The following SIPA1L1 variants were observed in gnomAD, a reference collection of about 807,000 sequenced individuals.
SIPA1L1 encodes signal-induced proliferation-associated 1-like protein 1.
Under a neutral mutation model 162.7 loss-of-function variants are expected in SIPA1L1, and 26 were observed. The observed-to-expected ratio is 0.16, with a 90% CI of 0.12 to 0.22. SIPA1L1 has a LOEUF of 0.22. Among genes scored for constraint, SIPA1L1 ranks in the 10% least tolerant of loss-of-function variants. SIPA1L1 has a pLI of 1.00. For synonymous variants in SIPA1L1, 829 were observed against 837.4 expected, an observed-to-expected ratio of 0.99 and a Z score of 0.17; for missense variants, 1,874 against 2,241.0, an observed-to-expected ratio of 0.84 and a Z score of 3.31.
intron 2 of SIPA1L1, among the ~76,000 whole-genome samples, chr14:71,422,719 A>G (rs2043279295): frequency 6.6e-6 from 1 of 152,228 alleles, no homozygotes; most frequent in South Asian, 2.1e-4. Flanking sequence ...TTGCTTATCC[A>G]TTCATCCATC....
chr14:71,690,887 T>G, intron 13 of SIPA1L1, among the ~76,000 whole-genome samples: 1 of 152,228 alleles, frequency 6.6e-6, no homozygotes. Flanking sequence ...CTACTGAACA[T>G]ATGCACTTGA....
chr14:71,423,865 G>A (rs2043367479), intron 2 of SIPA1L1, among the ~76,000 whole-genome samples: 1 of 151,938 alleles, frequency 6.6e-6, no homozygotes, highest in African/African-American at 2.4e-5. Context: ...ATTTTGATAG[G>A]GATTGTATTA....
At chr14:71,596,190 C>T (rs888139394) in intron 5 of SIPA1L1, among the ~76,000 whole-genome samples, 1 of 152,060 alleles carries the variant, frequency 6.6e-6, no homozygotes, top group East Asian at 1.9e-4. Flanking sequence ...AGCCTCAGAC[C>T]GTGATGCAGG....
chr14:71,663,845 G>A (rs1237451573), intron 10 of SIPA1L1, among the ~76,000 whole-genome samples: 2 of 152,202 alleles, frequency 1.3e-5, no homozygotes, highest in Non-Finnish European at 2.9e-5. Flanking sequence ...CTTGTTTGAA[G>A]GCCCAACACA....
chr14:71,527,227 A>C (rs1260560853), intron 3 of SIPA1L1, among the ~76,000 whole-genome samples: 2 of 152,138 alleles, frequency 1.3e-5, no homozygotes, highest in Non-Finnish European at 2.9e-5. Context: ...AGCTCACTGA[A>C]GCCTCGAACT....
intron 5 of SIPA1L1, among the ~76,000 whole-genome samples, chr14:71,614,348 G>A (rs2038580877): frequency 6.6e-6 from 1 of 152,052 alleles, no homozygotes; most frequent in Non-Finnish European, 1.5e-5. Flanking sequence ...ATGTTCATAT[G>A]GAAAGAGTTT....
At chr14:71,403,509 A>G (rs2041823244) in intron 2 of SIPA1L1, among the ~76,000 whole-genome samples, 1 of 148,948 alleles carries the variant, frequency 6.7e-6, no homozygotes, top group Non-Finnish European at 1.5e-5. Flanking sequence ...CTGAGGCAGG[A>G]GAATCGCTTG....
chr14:71,646,526 T>G (rs570915574), intron 7 of SIPA1L1, among the ~76,000 whole-genome samples: 1 of 152,346 alleles, frequency 6.6e-6, no homozygotes, highest in South Asian at 2.1e-4. Context: ...AGCAAATTTA[T>G]GTACTGTTGT....
At chr14:71,683,284 CATA>C (rs1342078488) in intron 12 of SIPA1L1, among the ~76,000 whole-genome samples, 5 of 152,144 alleles carry the variant, frequency 3.3e-5, no homozygotes, top group Admixed American at 6.5e-5. Context: ...GCCCAAAATA[CATA>C]ATAATAAAGT....
intron 2 of SIPA1L1, among the ~76,000 whole-genome samples, chr14:71,440,370 T>C (rs1595472824): frequency 1.3e-5 from 2 of 151,886 alleles, no homozygotes; most frequent in African/African-American, 4.8e-5. Flanking sequence ...AAATAAAATA[T>C]GTCTAGGTAC....
At chr14:71,457,124 G>T (rs1313984707) in intron 2 of SIPA1L1, among the ~76,000 whole-genome samples, 1 of 151,900 alleles carries the variant, frequency 6.6e-6, no homozygotes, top group Non-Finnish European at 1.5e-5. Flanking sequence ...ACTTCAAACT[G>T]CCCTAGCATC....
At chr14:71,632,272 C>G (rs1678954271) in intron 7 of SIPA1L1, among the ~76,000 whole-genome samples, 1 of 152,180 alleles carries the variant, frequency 6.6e-6, no homozygotes, top group South Asian at 2.1e-4. Context: ...CCTGGGTTTT[C>G]TCTTTGCTCA....
At chr14:71,615,271 G>A (rs1458419486) in intron 5 of SIPA1L1, among the ~76,000 whole-genome samples, 1 of 152,194 alleles carries the variant, frequency 6.6e-6, no homozygotes, top group Admixed American at 6.5e-5. Flanking sequence ...AAATTTAAGA[G>A]GGTGAAAGGT....
chr14:71,447,105 AGGGTCTCACTGT>A (rs892614427), intron 2 of SIPA1L1, among the ~76,000 whole-genome samples: 1 of 150,632 alleles, frequency 6.6e-6, no homozygotes, highest in Admixed American at 6.6e-5. Flanking sequence ...TGGTAGAGAT[AGGGTCTCACTGT>A]GTTGCCCAGG....
intron 2 of SIPA1L1, among the ~76,000 whole-genome samples, chr14:71,376,917 T>C: frequency 6.6e-6 from 1 of 151,980 alleles, no homozygotes; most frequent in East Asian, 1.9e-4. Context: ...CAAAATGGAG[T>C]CTCCTATGTC....
intron 10 of SIPA1L1, among the ~76,000 whole-genome samples, chr14:71,663,315 T>G (rs2043705802): frequency 6.6e-6 from 1 of 152,222 alleles, no homozygotes; most frequent in Non-Finnish European, 1.5e-5. Context: ...AAGTACATTT[T>G]AGACTTACCG....
At chr14:71,668,991 T>G (rs925663907) in intron 10 of SIPA1L1, among the ~76,000 whole-genome samples, 4 of 152,236 alleles carry the variant, frequency 2.6e-5, no homozygotes, top group African/African-American at 7.2e-5. Flanking sequence ...TATCAAGAGT[T>G]CAGAATTTGT....
intron 2 of SIPA1L1, among the ~76,000 whole-genome samples, chr14:71,333,301 C>G (rs2034757853): frequency 6.6e-6 from 1 of 152,142 alleles, no homozygotes; most frequent in South Asian, 2.1e-4. Context: ...TCACTGAATG[C>G]AGAACAGTCA....
At chr14:71,672,309 A>G (rs1303300906) in intron 11 of SIPA1L1, 39 bp from the exon 12 acceptor site, 3 of 1,604,338 alleles carry the variant, frequency 1.9e-6, no homozygotes, top group East Asian at 2.2e-5. Flanking sequence ...TTAATACCCT[A>G]TTGCTTTAAA....
Sources: gnomAD v4.1 joint callset for allele counts (sites outside exome capture counted in the v4.1 genomes callset) on GRCh38, gnomAD v4.1.1 for gene constraint, MANE v1.5 for transcripts, NCBI Gene and HGNC (gene_info 2026-07-23, HGNC 2026-07-21) for gene names.